The following ADGRG2 variants were observed in gnomAD, a reference collection of about 807,000 sequenced individuals.
ADGRG2 encodes adhesion G protein-coupled receptor G2, also known as G protein-coupled receptor 64.
ADGRG2 carries 26 observed loss-of-function variants against 74.1 expected under a neutral mutation model. That is an observed-to-expected ratio of 0.35 (90% CI 0.26 to 0.49). The LOEUF is 0.49. ADGRG2 is among the 20% of genes least tolerant of loss of function. The probability of loss-of-function intolerance (pLI) is 0.99; values close to 1 mark genes in which losing one functional copy is unlikely to be tolerated. For missense variants in ADGRG2, 619 were observed against 763.1 expected, an observed-to-expected ratio of 0.81 and a Z score of 2.22; for synonymous variants, 296 against 295.2, an observed-to-expected ratio of 1.00 and a Z score of -0.03.
intron 3 of ADGRG2, among the ~76,000 whole-genome samples, chrX:19,059,897 C>A (rs1315099556): frequency 9.0e-6 from 1 of 110,971 alleles, no homozygotes; most frequent in South Asian, 3.9e-4. Context: ...TTTGGGAGGC[C>A]GAGGTAGGTG....
chrX:19,017,623 T>C (rs2060495287), intron 15 of ADGRG2, among the ~76,000 whole-genome samples: 1 of 111,688 alleles, frequency 9.0e-6, no homozygotes, highest in African/African-American at 3.3e-5. Flanking sequence ...TTACTTTCTA[T>C]TGCAGAAAAT....
At chrX:19,020,493 C>CT (rs1462470837) in intron 14 of ADGRG2, among the ~76,000 whole-genome samples, 1 of 111,414 alleles carries the variant, frequency 9.0e-6, no homozygotes, top group African/African-American at 3.3e-5. Flanking sequence ...GGACAAACAC[C>CT]TAATGCATGT....
intron 3 of ADGRG2, among the ~76,000 whole-genome samples, chrX:19,059,683 ATC>A (rs2061457066): frequency 9.7e-6 from 1 of 103,349 alleles, no homozygotes; most frequent in Non-Finnish European, 2.0e-5. Context: ...GTACTAAAGA[ATC>A]TGTCTTTAGT....
chrX:19,001,054 A>G (rs367668306), intron 24 of ADGRG2, among the ~76,000 whole-genome samples: 59 of 110,856 alleles, frequency 5.3e-4, no homozygotes, highest in African/African-American at 1.9e-3. Context: ...TAACTTATAC[A>G]TGTCTGGAAT....
chrX:19,022,574 C>A (rs1465476926), intron 13 of ADGRG2, among the ~76,000 whole-genome samples: 1 of 112,019 alleles, frequency 8.9e-6, no homozygotes, highest in Non-Finnish European at 1.9e-5. Flanking sequence ...TCGGTTTACA[C>A]AGCCAGGATA....
intron 2 of ADGRG2, among the ~76,000 whole-genome samples, chrX:19,076,484 C>T (rs1189800799): frequency 8.9e-6 from 1 of 112,057 alleles, no homozygotes; most frequent in African/African-American, 3.2e-5. Flanking sequence ...CTATATAAAA[C>T]AGTGCCAGTC....
At chrX:19,031,382 C>T (rs886734990) in intron 8 of ADGRG2, 1 of 173,242 alleles carries the variant, frequency 5.8e-6, no homozygotes, top group East Asian at 1.3e-4. Context: ...ATGGAATGGC[C>T]CTTAATCATA....
At chrX:19,084,088 G>T (rs1047980768) in intron 1 of ADGRG2, among the ~76,000 whole-genome samples, 2 of 112,192 alleles carry the variant, frequency 1.8e-5, no homozygotes, top group Non-Finnish European at 3.8e-5. Context: ...TAAAGAAAAT[G>T]TGGCACATAT....
chrX:19,015,706 G>A (rs770290550), intron 15 of ADGRG2, among the ~76,000 whole-genome samples: 1 of 111,687 alleles, frequency 9.0e-6, no homozygotes, highest in African/African-American at 3.3e-5. Context: ...GTGAAAGAGC[G>A]AAACTCTGTC....
intron 16 of ADGRG2, among the ~76,000 whole-genome samples, chrX:19,011,674 T>C (rs2060359331): frequency 9.0e-6 from 1 of 111,525 alleles, no homozygotes; most frequent in Non-Finnish European, 1.9e-5. Context: ...GAACCCTGTC[T>C]CTACTAAAAA....
chrX:19,033,756 C>T (rs2060876386), intron 7 of ADGRG2, 102 bp from the exon 8 acceptor site: 1 of 433,763 alleles, frequency 2.3e-6, no homozygotes, highest in Admixed American at 3.8e-5. Context: ...AAAAAAGTCA[C>T]ACTGTTGACA....
At chrX:19,089,418 T>A (rs1453680208) in intron 1 of ADGRG2, among the ~76,000 whole-genome samples, 8 of 111,547 alleles carry the variant, frequency 7.2e-5, no homozygotes, top group Non-Finnish European at 1.9e-5. Flanking sequence ...AACCTGCACA[T>A]GTATACTTGA....
intron 1 of ADGRG2, among the ~76,000 whole-genome samples, chrX:19,098,046 A>G (rs1170724552): frequency 8.8e-6 from 1 of 113,286 alleles, no homozygotes; most frequent in Non-Finnish European, 1.9e-5. Context: ...GGAATGTCAC[A>G]CATGATAATT....
intron 1 of ADGRG2, among the ~76,000 whole-genome samples, chrX:19,088,317 G>C (rs1402927515): frequency 9.0e-6 from 1 of 111,506 alleles, no homozygotes; most frequent in Admixed American, 9.5e-5. Context: ...CACTTCACAG[G>C]ATAATTGAAT....
chrX:19,019,141 G>A (rs2060534119), intron 15 of ADGRG2, among the ~76,000 whole-genome samples: 2 of 112,034 alleles, frequency 1.8e-5, no homozygotes, highest in African/African-American at 6.5e-5. Context: ...CACCGTGCCC[G>A]GCTAAAGTAC....
intron 1 of ADGRG2, among the ~76,000 whole-genome samples, chrX:19,117,704 C>A (rs1395768183): frequency 9.0e-6 from 1 of 110,776 alleles, no homozygotes; most frequent in Non-Finnish European, 1.9e-5. Context: ...ATAGTCCCAG[C>A]TACTCAGGAG....
At chrX:19,021,987 G>C (rs2060599537) in intron 13 of ADGRG2, among the ~76,000 whole-genome samples, 1 of 109,338 alleles carries the variant, frequency 9.1e-6, no homozygotes, top group African/African-American at 3.3e-5. Flanking sequence ...TCTGGGGCCG[G>C]GTGCGGTGGC....
At chrX:18,994,769 T>C in intron 28 of ADGRG2, 127 bp downstream of exon 28, 1 of 392,334 alleles carries the variant, frequency 2.5e-6, no homozygotes, top group Non-Finnish European at 4.3e-6. Flanking sequence ...GGGAACCACA[T>C]TTTGATCCAC....
intron 1 of ADGRG2, among the ~76,000 whole-genome samples, chrX:19,083,768 C>T (rs1356587992): frequency 8.9e-6 from 1 of 111,885 alleles, no homozygotes; most frequent in African/African-American, 3.2e-5. Context: ...AAACATTGGT[C>T]CAGCTATTAG....
Sources: gnomAD v4.1 joint callset for allele counts (sites outside exome capture counted in the v4.1 genomes callset) on GRCh38, gnomAD v4.1.1 for gene constraint, MANE v1.5 for transcripts, NCBI Gene and HGNC (gene_info 2026-07-23, HGNC 2026-07-21) for gene names.